Variants in RPAP1 observed in about 807,000 individuals in gnomAD.
RPAP1 encodes RNA polymerase II-associated protein 1.
RPAP1 carries 109 observed loss-of-function variants against 142.4 expected under a neutral mutation model. The ratio of observed to expected loss-of-function variants is 0.77; its 90% CI spans 0.66 to 0.90. The LOEUF (loss-of-function observed/expected upper bound fraction) is 0.90. Ranked by LOEUF, RPAP1 falls within the 40% of genes least tolerant of loss-of-function variation. RPAP1 has a pLI of 0.00. For synonymous variants in RPAP1, 704 were observed against 738.9 expected (o/e 0.95, Z 0.77); for missense variants, 1,546 against 1,751.7 (o/e 0.88, Z 2.10).
Position 41,542,311 on chromosome 15 carries a change from A to G in RPAP1, c.-77+1908T>C, listed in dbSNP as rs541134953. Among the ~76,000 whole-genome samples the G allele has an allele frequency of 2.0e-5, 3 of 152,320 alleles. No individual in the cohort carries two copies. The East Asian group carries it at 5.8e-4, about 29-fold the overall frequency. On this transcript the variant is annotated intron_variant, in intron 1 of 24. Coordinates refer to ENST00000304330, the MANE Select transcript of RPAP1 (RefSeq NM_015540.4). ...AAGTTGGGGTGAGAGAATATGGTAA[A>G]CACACATATAAATTTACAAGGCAGT...
rs367770186 is a variant in RPAP1 at position 41,528,331 on chromosome 15, C to T, written c.1164G>A (p.Ala388=). Residue 388 remains alanine, a synonymous_variant, in exon 10 of 25, where the codon GCG becomes GCA. Transcript: ENST00000304330. ...LHHHGEEAER[A]GYSLQELFHL... is the part of the protein sequence containing the mutation. ...GGAACAGCTCCTGTAGGGAATACCC[C>T]GCTCTCTGGGGCAGGGACAAGAAGT... The T allele has an allele frequency of 4.3e-5, 69 of 1,586,850 alleles. No individual in the cohort carries two copies. Among genetic ancestry groups the T allele is most frequent in the Non-Finnish European group, 5.8e-5 (68 of 1,165,336 alleles).
In RPAP1 at chr15:41,529,474, G is replaced by A; in HGVS notation, c.1154C>T (p.Ala385Val). The change falls in exon 9 of 25, where the codon GCA (alanine) becomes GTA (valine). Residue 385 changes from alanine (A) to valine (V), a missense_variant. This residue lies in a region of RPAP1 where 1,333 missense variants were observed against 1,486.6 expected (regional missense o/e 0.90). Transcript: ENST00000304330. ...HLGLHHHGEE[A>V]ERAGYSLQEL... ...CTCTCCAGTCCCATGCCTCACCTCT[G>A]CCTCCTCTCCATGGTGGTGCAGACC... 6.2e-7 allele frequency: 1 copy of A among 1,609,158 alleles called. No homozygotes were observed. The highest frequency in any genetic ancestry group is 8.5e-7 in the Non-Finnish European group (1 of 1,176,428).
chr15:41,536,223 A>G lies in RPAP1; in HGVS notation c.331-5T>C. The G allele has an allele frequency of 6.2e-7, 1 of 1,613,512 alleles. No individual in the cohort carries two copies. The highest frequency in any genetic ancestry group is 8.5e-7 in the Non-Finnish European group (1 of 1,179,512). Reference sequence around the variant, plus strand: ...CACTGAACTTGTATCTCGTTCCTGTAGCAACAAAGCACAAAGTTGTGAAGC... The same window carrying G: ...CACTGAACTTGTATCTCGTTCCTGTGGCAACAAAGCACAAAGTTGTGAAGC... On this transcript the variant is annotated splice_polypyrimidine_tract_variant and splice_region_variant and intron_variant, in intron 3 of 24. Coordinates refer to ENST00000304330, the MANE Select transcript of RPAP1 (RefSeq NM_015540.4).
rs61731588 is a variant in RPAP1 at position 41,537,118 on chromosome 15, G to T, written c.8C>A (p.Ser3Ter). 37 of 1,613,604 alleles carry T rather than the reference G, an allele frequency of 2.3e-5. No individual in the cohort carries two copies. The highest frequency in any genetic ancestry group is 3.0e-5 in the Non-Finnish European group (35 of 1,179,862). ML[S>*]RPKPGESEVD... ...CTCGGACTCCCCTGGCTTCGGTCTC[G>T]ACAGCATCTTGCTGCTCCAGCTGCC... is the stretch of plus-strand genomic sequence containing the variant. The change falls in exon 2 of 25, where the codon TCG becomes TAG. Residue 3 changes from serine (S) to a stop codon, truncating the protein, a stop_gained. Coordinates refer to ENST00000304330, the MANE Select transcript of RPAP1 (RefSeq NM_015540.4). LOFTEE classifies it high-confidence loss of function.
chr15:41,528,219 C>T lies in RPAP1; in HGVS notation c.1260+16G>A. On this transcript the variant is annotated intron_variant, in intron 10 of 24. Coordinates refer to ENST00000304330, the MANE Select transcript of RPAP1 (RefSeq NM_015540.4). ...GAAGGGAAGGGTGGGCAGGACCAGGCTGGCAATCCACTCACCCTGCTGATG... is the reference window on the plus strand; with the variant it reads ...GAAGGGAAGGGTGGGCAGGACCAGGTTGGCAATCCACTCACCCTGCTGATG... The T allele has an allele frequency of 2.5e-6, 4 of 1,590,512 alleles. No homozygotes were observed. The highest frequency in any genetic ancestry group is 3.4e-6 in the Non-Finnish European group (4 of 1,165,730).
chr15:41,524,936 C>T (rs1332580015), intron 15 of RPAP1, 55 bp downstream of exon 15: 1 of 1,579,454 alleles, frequency 6.3e-7, no homozygotes, highest in Non-Finnish European at 8.6e-7. Flanking sequence ...TTGATTTGGC[C>T]AGAAGAGCAG....
chr15:41,523,251 G>C lies in RPAP1; in HGVS notation c.2540C>G (p.Ser847Cys). ...SQPTLGSLWD[S>C]LRHCSLLCNP... ...TACCAAACACAGTACATACCTAAGG[G>C]AATCCCACAGGCTGCCCAGTGTGGG... Residue 847 changes from serine (S) to cysteine (C), a missense_variant, in exon 18 of 25, where the codon TCC (serine) becomes TGC (cysteine). By Grantham distance (112) the Ser-to-Cys change is moderately radical. Around this residue, in one of 3 missense-constraint regions of RPAP1, gnomAD observed 1,333 missense variants for 1,486.6 expected, o/e 0.90. Coordinates refer to ENST00000304330, the MANE Select transcript of RPAP1 (RefSeq NM_015540.4). 6.3e-7 allele frequency: 1 copy of C among 1,593,224 alleles called. No individual in the cohort carries two copies. Among genetic ancestry groups the C allele is most frequent in the Middle Eastern group, 1.7e-4 (1 of 5,962 alleles).
Position 41,527,152 on chromosome 15 carries a change from TC to T in RPAP1, c.1746+14del. On this transcript the variant is annotated intron_variant, in intron 13 of 24. Coordinates refer to ENST00000304330, the MANE Select transcript of RPAP1 (RefSeq NM_015540.4). ...GCTAGGCTTTTTGCCCATTCCCTGC[TC>T]CCTTTTTTCTCACCCTTGTGGCTGA... The T allele has an allele frequency of 1.2e-6, 2 of 1,614,080 alleles. No homozygotes were observed. Among genetic ancestry groups the T allele is most frequent in the Non-Finnish European group, 1.7e-6 (2 of 1,179,966 alleles).
intron 9 of RPAP1, among the ~76,000 whole-genome samples, chr15:41,529,247 A>G (rs543530456): frequency 6.6e-6 from 1 of 152,304 alleles, no homozygotes; most frequent in South Asian, 2.1e-4. Context: ...AGGCAGGAGA[A>G]TGGCTTGAAC....
At chr15:41,543,903 G>A (rs1407228761) in intron 1 of RPAP1, 1 of 152,150 alleles carries the variant, frequency 6.6e-6, no homozygotes, top group Non-Finnish European at 1.5e-5. Context: ...GGAGTCTCTG[G>A]GGCTCTTACA....
In RPAP1 at chr15:41,543,137, T is replaced by C. The variant is rs190516316; in HGVS notation, c.-77+1082A>G. Among the ~76,000 whole-genome samples the C allele has an allele frequency of 4.0e-5, 6 of 150,902 alleles. No individual in the cohort carries two copies. In the East Asian group the frequency reaches 1.2e-3, roughly 30 times the overall value. ...TGGAATCAATAGGCCAGAAGTCAAATACCAGTTCCGCTACTTACTAAATGC... is the reference window on the plus strand; with the variant it reads ...TGGAATCAATAGGCCAGAAGTCAAACACCAGTTCCGCTACTTACTAAATGC... On this transcript the variant is annotated intron_variant, in intron 1 of 24. Transcript: ENST00000304330.
Position 41,522,776 on chromosome 15 carries a change from GC to G in RPAP1, c.2730del (p.Leu911CysfsTer77). The G allele has an allele frequency of 6.7e-7, 1 of 1,481,858 alleles. No individual in the cohort carries two copies. The highest frequency in any genetic ancestry group is 9.0e-7 in the Non-Finnish European group (1 of 1,113,290). The allele number at this position is 1,481,858 out of a possible 1,614,324, so 91.8% of individuals were successfully genotyped here. A position where few individuals can be genotyped will look rare whatever the true frequency, so the allele number is the denominator to read the frequency against. On this transcript the variant is annotated frameshift_variant, in exon 19 of 25. Transcript: ENST00000304330. LOFTEE classifies it high-confidence loss of function. ...LLNTLAQIHK[G>X]LCGQLAAILA... The stretch of plus-strand genomic sequence containing the variant: ...CACCCCACACTTACCTGGCCACACA[GC>G]CCCTTGTGGATCTGGGCCAGGGTAT...
rs771241205 is a variant in RPAP1, at chr15:41,525,126, C to T, written c.1940G>A (p.Ser647Asn). The T allele has an allele frequency of 1.2e-6, 2 of 1,612,120 alleles. No homozygotes were observed. Among genetic ancestry groups the T allele is most frequent in the Non-Finnish European group, 8.5e-7 (1 of 1,179,196 alleles). Residue 647 changes from serine (S) to asparagine (N), a missense_variant, in exon 15 of 25, where the codon AGC (serine) becomes AAC (asparagine). By Grantham distance (46) the Ser-to-Asn change is conservative. This residue lies in a region of RPAP1 where 1,333 missense variants were observed against 1,486.6 expected (regional missense o/e 0.90). Coordinates refer to ENST00000304330, the MANE Select transcript of RPAP1 (RefSeq NM_015540.4). ...ARLLSSFDLRSRLCRIIAEAP... is the reference protein window; with the variant it reads ...ARLLSSFDLRNRLCRIIAEAP... ...CTCAGCTATGATGCGGCACAGGCGG[C>T]TCCGGAGATCAAAGCTGCTCAACTG...
Position 41,536,668 on chromosome 15 carries a change from C to G in RPAP1, c.182-19G>C, listed in dbSNP as rs1340237926. On this transcript the variant is annotated intron_variant, in intron 2 of 24. Coordinates refer to ENST00000304330, the MANE Select transcript of RPAP1 (RefSeq NM_015540.4). ...GGGAGATCTGAGAAAGAAAAGATCC[C>G]AAACGTGAGTATATGCACACCTTCC... is the stretch of plus-strand genomic sequence containing the variant. The G allele has an allele frequency of 2.5e-6, 4 of 1,611,718 alleles. No homozygotes were observed. Among genetic ancestry groups the G allele is most frequent in the Admixed American group, 1.7e-5 (1 of 59,918 alleles).
chr15:41,520,741 C>A lies in RPAP1; in HGVS notation c.3445G>T (p.Ala1149Ser). ...GCCAGGCGGGCAGCAGGGGGCACAGCCCAGAGAGCCTGGGGGCGCCAGCTC... is the reference window on the plus strand; with the variant it reads ...GCCAGGCGGGCAGCAGGGGGCACAGACCAGAGAGCCTGGGGGCGCCAGCTC... ...LESWRPQALW[A>S]VPPAARLARL... The change falls in exon 22 of 25, where the codon GCT becomes TCT. Residue 1149 changes from alanine to serine, a missense_variant. Physicochemically the swap from Ala to Ser is moderately conservative, Grantham distance 99. This residue lies in a region of RPAP1 where 1,333 missense variants were observed against 1,486.6 expected (regional missense o/e 0.90). Coordinates refer to ENST00000304330, the MANE Select transcript of RPAP1 (RefSeq NM_015540.4). 1 of 1,613,842 alleles carries A rather than the reference C, an allele frequency of 6.2e-7. No individual in the cohort carries two copies. Among genetic ancestry groups the A allele is most frequent in the Non-Finnish European group, 8.5e-7 (1 of 1,179,980 alleles).
chr15:41,540,911 G>C (rs1213085618), intron 1 of RPAP1, among the ~76,000 whole-genome samples: 2 of 152,132 alleles, frequency 1.3e-5, no homozygotes, highest in African/African-American at 4.8e-5. Flanking sequence ...GTGGGAAGCT[G>C]TCCTGCGCAC....
chr15:41,537,523 G>A (rs1318606901), intron 1 of RPAP1, among the ~76,000 whole-genome samples: 1 of 152,162 alleles, frequency 6.6e-6, no homozygotes, highest in Non-Finnish European at 1.5e-5. Context: ...TCAAACTGGA[G>A]AGAACATGCT....
chr15:41,521,863 C>A lies in RPAP1; in HGVS notation c.2913G>T (p.Leu971=). Residue 971 remains leucine, a synonymous_variant, in exon 21 of 25, where the codon CTG becomes CTT. Coordinates refer to ENST00000304330, the MANE Select transcript of RPAP1 (RefSeq NM_015540.4). ...GATAGAGGGCAGCATGGGTGGCTGG[C>A]AGTGGCTGCAGCGCTGCCTGCAGAC... is the stretch of plus-strand genomic sequence containing the variant. ...LAQKAAALQP[L]PATHAALYHG... The A allele has an allele frequency of 6.2e-7, 1 of 1,613,982 alleles. No homozygotes were observed.
chr15:41,536,893 G>T lies in RPAP1; in HGVS notation c.181+52C>A. 17 of 1,577,088 alleles carry T rather than the reference G, an allele frequency of 1.1e-5. 1 individual carries two copies. The highest frequency in any genetic ancestry group is 1.4e-5 in the Non-Finnish European group (16 of 1,153,776). ...CCAACCACAACAGGAAGAGGGAGGG[G>T]CCCGAGGCTGTACCCTCTCTACTTC... On this transcript the variant is annotated intron_variant, in intron 2 of 24. Transcript: ENST00000304330.
Sources: allele counts gnomAD v4.1 joint callset (sites outside exome capture counted in the v4.1 genomes callset), GRCh38; gene constraint gnomAD v4.1.1; regional missense constraint gnomAD v4.1.1; transcripts MANE v1.5; gene names NCBI Gene and HGNC (gene_info 2026-07-23, HGNC 2026-07-21).